The following ASCL1 variants were observed in gnomAD, a reference collection of about 807,000 sequenced individuals.
ASCL1 encodes the protein achaete-scute family bHLH transcription factor 1, also known as achaete-scute homolog 1.
Under a neutral mutation model 16.1 loss-of-function variants are expected in ASCL1, and 2 were observed. The ratio of observed to expected loss-of-function variants is 0.12; its 90% CI spans 0.05 to 0.39. ASCL1 has a LOEUF of 0.39. Ranked by LOEUF, ASCL1 falls within the 10% of genes least tolerant of loss-of-function variation. The probability of loss-of-function intolerance (pLI) is 0.99; values close to 1 mark genes in which losing one functional copy is unlikely to be tolerated. For missense variants in ASCL1, 276 were observed against 336.9 expected, an observed-to-expected ratio of 0.82 and a Z score of 1.41; for synonymous variants, 165 against 155.7, an observed-to-expected ratio of 1.06 and a Z score of -0.45.
At position 102,959,839 on chromosome 12, in the gene ASCL1, G is replaced by T. The variant is rs1163986544; in HGVS notation, c.*525G>T. The T allele has an allele frequency of 2.6e-5, 4 of 152,146 alleles. No homozygotes were observed. Among genetic ancestry groups the T allele is most frequent in the African/African-American group, 9.7e-5 (4 of 41,418 alleles). The allele number at this position is 152,146 out of a possible 1,614,324, so 9.4% of individuals were successfully genotyped here. A position where few individuals can be genotyped will look rare whatever the true frequency, so the allele number is the denominator to read the frequency against. ...CCCACCCCAATAAGCTGTAGACATT[G>T]GTTTACAGTGAAACTATGCTATTCT... On this transcript the variant is annotated 3_prime_UTR_variant, in exon 2 of 2. Transcript: ENST00000266744.
intron 1 of ASCL1, 116 bp downstream of exon 1, chr12:102,959,118 G>A: frequency 5.0e-6 from 6 of 1,203,814 alleles, no homozygotes; most frequent in Non-Finnish European, 6.8e-6. Flanking sequence ...TAAAGAATTT[G>A]TGAAAGTTGG....
At position 102,958,433 on chromosome 12, in the gene ASCL1, G is replaced by C. The variant is rs376318467; in HGVS notation, c.189G>C (p.Ala63=). Residue 63 remains alanine (A), a synonymous_variant, in exon 1 of 2, where the codon GCG becomes GCC. Coordinates refer to ENST00000266744, the MANE Select transcript of ASCL1 (RefSeq NM_004316.4). The part of the protein sequence containing the change: ...QQQQQQQQQQ[A]PQLRPAADGQ... ...AGCAGCAGCAGCAGCAGCAGCAGGCGCCGCAGCTGAGACCGGCGGCCGACG... is the reference window on the plus strand; with the variant it reads ...AGCAGCAGCAGCAGCAGCAGCAGGCCCCGCAGCTGAGACCGGCGGCCGACG... 2.4e-3 allele frequency: 3,658 copies of C among 1,551,334 alleles called. 88 individuals are homozygous for C. The African/African-American group carries it at 0.046, about 19-fold the overall frequency.
rs1205223829 is a variant in ASCL1 at position 102,958,994 on chromosome 12, T to C, written c.*39T>C. The stretch of plus-strand genomic sequence containing the variant: ...GTCAGGCCCTGGTGCGAATGGACTT[T>C]GGAAGCAGGTAGGTTGCATTTTGGG... On this transcript the variant is annotated 3_prime_UTR_variant, in exon 1 of 2. Coordinates refer to ENST00000266744, the MANE Select transcript of ASCL1 (RefSeq NM_004316.4). 10 of 1,612,760 alleles carry C rather than the reference T, an allele frequency of 6.2e-6. No homozygotes were observed. The highest frequency in any genetic ancestry group is 1.6e-4 in the Middle Eastern group (1 of 6,084).
rs3832799 is a variant in ASCL1, at chr12:102,958,393, CGCAGCAGCAGCAGCAGCAGCAGCAGCA to C, written c.160_186del (p.Gln54_Gln62del). On this transcript the variant is annotated inframe_deletion, in exon 1 of 2. Transcript: ENST00000266744. Reference sequence around the variant, plus strand: ...GCCGCCGCAGCGGCAGCGCAGAGCGCGCAGCAGCAGCAGCAGCAGCAGCAGCAGCAGCAGCAGGCGCCGCAGCTGAGA... The same window carrying C: ...GCCGCCGCAGCGGCAGCGCAGAGCGCGCAGCAGCAGGCGCCGCAGCTGAGA... 9.3e-6 allele frequency: 14 copies of C among 1,507,072 alleles called. No homozygotes were observed. The highest frequency in any genetic ancestry group is 1.2e-5 in the Non-Finnish European group (14 of 1,126,970). The allele number at this position is 1,507,072 out of a possible 1,614,324, so 93.4% of individuals were successfully genotyped here.
intron 1 of ASCL1, 26 bp downstream of exon 1, chr12:102,959,028 G>C: frequency 1.2e-6 from 2 of 1,604,208 alleles, no homozygotes; most frequent in Non-Finnish European, 1.7e-6. Context: ...GGGTGGGCAG[G>C]GGGGTATTCT....
At position 102,959,495 on chromosome 12, in the gene ASCL1, A is replaced by G. The variant is rs1880052107; in HGVS notation, c.*181A>G. 6.5e-6 allele frequency: 1 copy of G among 154,898 alleles called. No individual in the cohort carries two copies. Among genetic ancestry groups the G allele is most frequent in the Non-Finnish European group, 1.4e-5 (1 of 69,880 alleles). 9.6% of individuals were successfully genotyped at this position (154,898 alleles called of 1,614,324 possible). A position where few individuals can be genotyped will look rare whatever the true frequency, so the allele number is the denominator to read the frequency against. On this transcript the variant is annotated 3_prime_UTR_variant, in exon 2 of 2. Coordinates refer to ENST00000266744, the MANE Select transcript of ASCL1 (RefSeq NM_004316.4). ...AAAACGAAAACAGTCAACCAACCCC[A>G]TCGCCAACTAAGCGAGGCATGCCTG...
In ASCL1 at chr12:102,958,976, C is replaced by A. The variant is rs761946538; in HGVS notation, c.*21C>A. 3.7e-6 allele frequency: 6 copies of A among 1,613,132 alleles called. No homozygotes were observed. The Admixed American group carries it at 5.0e-5, about 13-fold the overall frequency. On this transcript the variant is annotated 3_prime_UTR_variant, in exon 1 of 2. Coordinates refer to ENST00000266744, the MANE Select transcript of ASCL1 (RefSeq NM_004316.4). ...TCTGAGGGGCTCGGCCTGGTCAGGCCCTGGTGCGAATGGACTTTGGAAGCA... is the reference window on the plus strand; with the variant it reads ...TCTGAGGGGCTCGGCCTGGTCAGGCACTGGTGCGAATGGACTTTGGAAGCA...
chr12:102,957,895 C>T lies in ASCL1; in HGVS notation c.-350C>T. On this transcript the variant is annotated 5_prime_UTR_variant, in exon 1 of 2. Coordinates refer to ENST00000266744, the MANE Select transcript of ASCL1 (RefSeq NM_004316.4). The surrounding 1 kb of genome is among the most constrained non-coding windows in gnomAD (Gnocchi z 4.1). ...AGAGCGCGTTCAGCACTGACTTTTG[C>T]TGCTGCTTCTGCTTTTTTTTTTCTT... 1 of 209,040 alleles carries T rather than the reference C, an allele frequency of 4.8e-6. No homozygotes were observed. Among genetic ancestry groups the T allele is most frequent in the Non-Finnish European group, 9.4e-6 (1 of 106,238 alleles). 12.9% of individuals were successfully genotyped at this position (209,040 alleles called of 1,614,324 possible). A position where few individuals can be genotyped will look rare whatever the true frequency, so the allele number is the denominator to read the frequency against.
chr12:102,959,301 C>T, intron 1 of ASCL1, 61 bp from the exon 2 acceptor site: 1 of 358,368 alleles, frequency 2.8e-6, no homozygotes, highest in South Asian at 2.8e-5. Context: ...ACCTCCATCT[C>T]CCTCTACCAC....
chr12:102,958,832 C>G lies in ASCL1; in HGVS notation c.588C>G (p.Asn196Lys), dbSNP rs749184658. ...TCCTGTCGCCCACCATCTCCCCCAA[C>G]TACTCCAACGACTTGAACTCCATGG... is the stretch of plus-strand genomic sequence containing the variant. ...AGVLSPTISP[N>K]YSNDLNSMAG... Residue 196 changes from asparagine to lysine, a missense_variant, in exon 1 of 2, where the codon AAC becomes AAG. Transcript: ENST00000266744. 18 of 1,613,806 alleles carry G rather than the reference C, an allele frequency of 1.1e-5. No individual in the cohort carries two copies. The Admixed American group carries it at 1.5e-4, about 13-fold the overall frequency.
In ASCL1 at chr12:102,959,731, G is replaced by A. The variant is rs1178185408; in HGVS notation, c.*417G>A. ...CACGCACAGCTGAAAGTTCTTGCTC[G>A]GGTCCCTTCACCTCCTCGCCCTTTC... On this transcript the variant is annotated 3_prime_UTR_variant, in exon 2 of 2. Transcript: ENST00000266744. 2 of 152,182 alleles carry A rather than the reference G, an allele frequency of 1.3e-5. No individual in the cohort carries two copies. The highest frequency in any genetic ancestry group is 2.4e-5 in the African/African-American group (1 of 41,396). 9.4% of individuals were successfully genotyped at this position (152,182 alleles called of 1,614,324 possible). A position where few individuals can be genotyped will look rare whatever the true frequency, so the allele number is the denominator to read the frequency against.
rs555607257 is a variant in ASCL1 at position 102,960,193 on chromosome 12, T to C, written c.*879T>C. The C allele has an allele frequency of 6.5e-5, 10 of 152,796 alleles. No homozygotes were observed. The highest frequency in any genetic ancestry group is 2.6e-4 in the Admixed American group (4 of 15,306). The allele number at this position is 152,796 out of a possible 1,614,324, so 9.5% of individuals were successfully genotyped here. A position where few individuals can be genotyped will look rare whatever the true frequency, so the allele number is the denominator to read the frequency against. On this transcript the variant is annotated 3_prime_UTR_variant, in exon 2 of 2. Coordinates refer to ENST00000266744, the MANE Select transcript of ASCL1 (RefSeq NM_004316.4). ...CCTTACAACTGCAATTTTCCCTATG[T>C]GGTTTTGTAAAGAACTCTCCTCATA...
In ASCL1 at chr12:102,958,991, C is replaced by G. The variant is rs1459808215; in HGVS notation, c.*36C>G. 1 of 1,612,998 alleles carries G rather than the reference C, an allele frequency of 6.2e-7. No homozygotes were observed. The highest frequency in any genetic ancestry group is 8.5e-7 in the Non-Finnish European group (1 of 1,180,036). On this transcript the variant is annotated 3_prime_UTR_variant, in exon 1 of 2. Transcript: ENST00000266744. ...CTGGTCAGGCCCTGGTGCGAATGGA[C>G]TTTGGAAGCAGGTAGGTTGCATTTT...
Position 102,959,036 on chromosome 12 carries a change from T to G in ASCL1, c.*47+34T>G, listed in dbSNP as rs1042537846. 5.0e-6 allele frequency: 8 copies of G among 1,590,786 alleles called. No homozygotes were observed. In the Admixed American group the frequency reaches 1.4e-4, roughly 27 times the overall value. On this transcript the variant is annotated intron_variant, in intron 1 of 1. Transcript: ENST00000266744. Reference sequence around the variant, plus strand: ...CATTTTGGGGTGGGCAGGGGGGTATTCTTGCCTTCGTCCTCCCTCTGAGTG... The same window carrying G: ...CATTTTGGGGTGGGCAGGGGGGTATGCTTGCCTTCGTCCTCCCTCTGAGTG...
rs1388475330 is a variant in ASCL1 at position 102,957,702 on chromosome 12, G to C, written c.-543G>C. 1 of 152,702 alleles carries C rather than the reference G, an allele frequency of 6.5e-6. No homozygotes were observed. The highest frequency in any genetic ancestry group is 1.5e-5 in the Non-Finnish European group (1 of 68,276). 9.5% of individuals were successfully genotyped at this position (152,702 alleles called of 1,614,324 possible). A position where few individuals can be genotyped will look rare whatever the true frequency, so the allele number is the denominator to read the frequency against. On this transcript the variant is annotated 5_prime_UTR_variant, in exon 1 of 2. Transcript: ENST00000266744. This position sits in a 1 kb window ranked among gnomAD's most constrained non-coding sequence, Gnocchi z 4.1. ...ACTCTCTCACTTCTGGCCAGGGAACGTGGAAGGCGCACCGACAGGGATCCG... is the reference window on the plus strand; with the variant it reads ...ACTCTCTCACTTCTGGCCAGGGAACCTGGAAGGCGCACCGACAGGGATCCG...
chr12:102,958,686 G>T lies in ASCL1; in HGVS notation c.442G>T (p.Gly148Cys). ...CACCCTTCGGGAGCACGTCCCCAAC[G>T]GCGCGGCCAACAAGAAGATGAGTAA... ...FATLREHVPN[G>C]AANKKMSKVE... Residue 148 changes from glycine to cysteine, a missense_variant, in exon 1 of 2, where the codon GGC becomes TGC. By Grantham distance (159) the Gly-to-Cys change is radical (BLOSUM62 -3). This residue lies in a region of ASCL1 where 30 missense variants were observed against 83.2 expected (regional missense o/e 0.36). Transcript: ENST00000266744. 1 of 1,614,060 alleles carries T rather than the reference G, an allele frequency of 6.2e-7. No individual in the cohort carries two copies. Among genetic ancestry groups the T allele is most frequent in the East Asian group, 2.2e-5 (1 of 44,870 alleles).
rs61941089 is a variant in ASCL1, at chr12:102,960,407, C to T, written c.*1093C>T. On this transcript the variant is annotated 3_prime_UTR_variant, in exon 2 of 2. Coordinates refer to ENST00000266744, the MANE Select transcript of ASCL1 (RefSeq NM_004316.4). ...TGCCTTTTGGAGATTTCTATTACTG[C>T]CTTTTTTTTTCTTACTGTTTTATTA... is the stretch of plus-strand genomic sequence containing the variant. 2 of 41,036 alleles carry T rather than the reference C, an allele frequency of 4.9e-5. No individual in the cohort carries two copies. Among genetic ancestry groups the T allele is most frequent in the African/African-American group, 1.3e-4 (2 of 15,768 alleles). The allele number at this position is 41,036 out of a possible 1,614,324, so 2.5% of individuals were successfully genotyped here.
rs147504896 is a variant in ASCL1, at chr12:102,958,827, C to T, written c.583C>T (p.Pro195Ser). The change falls in exon 1 of 2, where the codon CCC becomes TCC. Residue 195 changes from proline (P) to serine (S), a missense_variant. Pro to Ser is a moderately conservative substitution (Grantham distance 74). This residue lies in a region of ASCL1 where 68 missense variants were observed against 86.7 expected (regional missense o/e 0.78). Transcript: ENST00000266744. Reference sequence around the variant, plus strand: ...AGGCGTCCTGTCGCCCACCATCTCCCCCAACTACTCCAACGACTTGAACTC... The same window carrying T: ...AGGCGTCCTGTCGCCCACCATCTCCTCCAACTACTCCAACGACTTGAACTC... ...QAGVLSPTIS[P>S]NYSNDLNSMA... 8.7e-6 allele frequency: 14 copies of T among 1,613,790 alleles called. No homozygotes were observed. The African/African-American group carries it at 1.1e-4, about 12-fold the overall frequency.
Position 102,958,454 on chromosome 12 carries a change from C to T in ASCL1, c.210C>T (p.Ala70=). 1.3e-6 allele frequency: 2 copies of T among 1,560,170 alleles called. No homozygotes were observed. The highest frequency in any genetic ancestry group is 1.7e-6 in the Non-Finnish European group (2 of 1,154,330). The change falls in exon 1 of 2, where the codon GCC becomes GCT. Residue 70 remains alanine (A), a synonymous_variant. Coordinates refer to ENST00000266744, the MANE Select transcript of ASCL1 (RefSeq NM_004316.4). ...AGGCGCCGCAGCTGAGACCGGCGGC[C>T]GACGGCCAGCCCTCAGGGGGCGGTC... ...QQQAPQLRPA[A]DGQPSGGGHK...
Sources: gnomAD v4.1 joint callset for allele counts on GRCh38, gnomAD v4.1.1 for gene constraint, gnomAD v4.1.1 regional missense constraint, Gnocchi (gnomAD v3.1) non-coding constraint, MANE v1.5 for transcripts, NCBI Gene and HGNC (gene_info 2026-07-23, HGNC 2026-07-21) for gene names.